The following YARS1 variants were observed in gnomAD, a reference collection of about 807,000 sequenced individuals.
The protein encoded by YARS1 is tyrosine--tRNA ligase, cytoplasmic.
Under a neutral mutation model 62.2 loss-of-function variants are expected in YARS1, and 36 were observed. The observed-to-expected ratio is 0.58, with a 90% CI of 0.44 to 0.76. The LOEUF is 0.76. Among genes scored for constraint, YARS1 ranks in the 30% least tolerant of loss-of-function variants. The pLI is 0.00. For synonymous variants in YARS1, 234 were observed against 244.9 expected (o/e 0.96, Z 0.42); for missense variants, 524 against 639.8 (o/e 0.82, Z 1.95).
intron 1 of YARS1, among the ~76,000 whole-genome samples, chr1:32,816,532 A>G (rs895598197): frequency 6.6e-6 from 1 of 152,232 alleles, no homozygotes; most frequent in African/African-American, 2.4e-5. Flanking sequence ...GGTAAGCAAT[A>G]TAAATATTTA....
At chr1:32,793,128 A>G (rs988062474) in intron 5 of YARS1, among the ~76,000 whole-genome samples, 4 of 152,156 alleles carry the variant, frequency 2.6e-5, no homozygotes, top group African/African-American at 9.6e-5. Context: ...AATAGAACAT[A>G]TCCAAAGTAA....
At chr1:32,782,732 TC>T (rs1653100975) in intron 8 of YARS1, 193 bp from the exon 9 acceptor site, 1 of 690,438 alleles carries the variant, frequency 1.4e-6, no homozygotes, top group Non-Finnish European at 2.4e-6. Flanking sequence ...GTCTTTTGAT[TC>T]TGAAATCTAT....
At chr1:32,808,174 G>T (rs142137826) in intron 3 of YARS1, among the ~76,000 whole-genome samples, 2,571 of 151,416 alleles carry the variant, frequency 0.017, 82 homozygotes, top group African/African-American at 0.059. Context: ...AAAGTGCTGG[G>T]ATTACAGGCA....
At chr1:32,812,395 A>T (rs910584198) in intron 1 of YARS1, among the ~76,000 whole-genome samples, 1 of 152,244 alleles carries the variant, frequency 6.6e-6, no homozygotes, top group East Asian at 1.9e-4. Context: ...TCTCTGTAGC[A>T]ATAAGATACC....
intron 1 of YARS1, among the ~76,000 whole-genome samples, chr1:32,814,208 T>C (rs973770479): frequency 6.6e-6 from 1 of 152,214 alleles, no homozygotes; most frequent in Non-Finnish European, 1.5e-5. Flanking sequence ...GTTTCACTCC[T>C]ACTACAGTAA....
chr1:32,776,229 CCT>C lies in YARS1; in HGVS notation c.1477-140_1477-139del. 1.4e-6 allele frequency: 1 copy of C among 737,034 alleles called. No individual in the cohort carries two copies. Among genetic ancestry groups the C allele is most frequent in the Non-Finnish European group, 2.4e-6 (1 of 416,516 alleles). 45.7% of individuals were successfully genotyped at this position (737,034 alleles called of 1,614,324 possible). ...ATGGCGTGATCTTGGCTCACCGCAA[CCT>C]CTGCCTCCCAGGTTCAAGCGATTCT... On this transcript the variant is annotated intron_variant, in intron 12 of 12. Coordinates refer to ENST00000373477, the MANE Select transcript of YARS1 (RefSeq NM_003680.4). The surrounding 1 kb of genome is among the most constrained non-coding windows in gnomAD (Gnocchi z 4.0).
intron 4 of YARS1, 84 bp downstream of exon 4, chr1:32,806,398 C>G: frequency 6.2e-7 from 1 of 1,605,050 alleles, no homozygotes; most frequent in Non-Finnish European, 8.5e-7. Flanking sequence ...CTGCGTAGTG[C>G]AGTAAAGCAA....
rs1475072250 is a variant in YARS1, at chr1:32,782,139, C to G, written c.1042+265G>C. ...ATCTTTAATGAAGAGGCAGATTTAA[C>G]AAACAGACTAGAAGGACCAAAGTAT... On this transcript the variant is annotated intron_variant, in intron 9 of 12. Coordinates refer to ENST00000373477, the MANE Select transcript of YARS1 (RefSeq NM_003680.4). 5.7e-6 allele frequency: 3 copies of G among 521,774 alleles called. No homozygotes were observed. The East Asian group carries it at 1.1e-4, about 18-fold the overall frequency. The allele number at this position is 521,774 out of a possible 1,614,324, so 32.3% of individuals were successfully genotyped here. A position where few individuals can be genotyped will look rare whatever the true frequency, so the allele number is the denominator to read the frequency against.
chr1:32,778,613 T>A (rs1474683176), intron 12 of YARS1, among the ~76,000 whole-genome samples: 1 of 151,582 alleles, frequency 6.6e-6, no homozygotes, highest in Non-Finnish European at 1.5e-5. Flanking sequence ...TTTACTGTGT[T>A]AGCCAGAATG....
chr1:32,775,836 C>T lies in YARS1; in HGVS notation c.*145G>A, dbSNP rs1569695247. On this transcript the variant is annotated 3_prime_UTR_variant, in exon 13 of 13. Coordinates refer to ENST00000373477, the MANE Select transcript of YARS1 (RefSeq NM_003680.4). ...CTGGGTTCTGGGGAGGGTAAGCTGC[C>T]CCTTGCCGAGTTCTGCACCGAATAA... The T allele has an allele frequency of 6.6e-6, 5 of 756,596 alleles. No homozygotes were observed. In the East Asian group the frequency reaches 1.3e-4, roughly 20 times the overall value. 46.9% of individuals were successfully genotyped at this position (756,596 alleles called of 1,614,324 possible). A position where few individuals can be genotyped will look rare whatever the true frequency, so the allele number is the denominator to read the frequency against.
chr1:32,787,121 G>C (rs745737172), intron 6 of YARS1, 46 bp from the exon 7 acceptor site: 1 of 1,612,048 alleles, frequency 6.2e-7, no homozygotes, highest in Admixed American at 1.7e-5. Flanking sequence ...TTGAAAATGA[G>C]AATATGCTCA....
chr1:32,779,471 G>A lies in YARS1; in HGVS notation c.1387C>T (p.Pro463Ser), dbSNP rs1230021901. 4 of 1,614,170 alleles carry A rather than the reference G, an allele frequency of 2.5e-6. No homozygotes were observed. The change falls in exon 12 of 13, where the codon CCT (proline) becomes TCT (serine). Residue 463 changes from proline (P) to serine (S), a missense_variant. By Grantham distance (74) the Pro-to-Ser change is moderately conservative. Transcript: ENST00000373477. ...EPLDPPAGSA[P>S]GEHVFVKGYE... ...CCCTTCACAAACACGTGCTCACCAG[G>A]AGCAGAGCCTGCCGGAGGGTCCAGA...
chr1:32,791,727 G>A (rs1249849244), intron 5 of YARS1, among the ~76,000 whole-genome samples: 4 of 152,074 alleles, frequency 2.6e-5, no homozygotes, highest in Non-Finnish European at 4.4e-5. Flanking sequence ...ACTTGAACCC[G>A]GGAGGCGGAG....
In YARS1 at chr1:32,781,129, G is replaced by A. The variant is rs1220249736; in HGVS notation, c.1059C>T (p.Gly353=). The change falls in exon 10 of 13, where the codon GGC becomes GGT. Residue 353 remains glycine, a synonymous_variant. Transcript: ENST00000373477. ...CCTCTGGTTCTGAATTCTTGGCAGG[G>A]CCTTTGGCCATTGGCTCTGGGAATG... ...DPSKQKPMAK[G]PAKNSEPEEV... is the part of the protein sequence containing the mutation. 3 of 1,614,008 alleles carry A rather than the reference G, an allele frequency of 1.9e-6. No homozygotes were observed. Among genetic ancestry groups the A allele is most frequent in the Non-Finnish European group, 2.5e-6 (3 of 1,180,042 alleles).
chr1:32,797,240 C>T lies in YARS1; in HGVS notation c.591+523G>A, dbSNP rs542710104. 2.6e-5 allele frequency among the ~76,000 whole-genome samples: 4 copies of T among 151,122 alleles called. No individual in the cohort carries two copies. In the Admixed American group the frequency reaches 2.6e-4, roughly 10 times the overall value. ...TTTTAAAACTACCCGGGTGTTGTGG[C>T]ATGCACCTGTGGTCCCAGCTACTTG... On this transcript the variant is annotated intron_variant, in intron 5 of 12. Transcript: ENST00000373477.
intron 4 of YARS1, among the ~76,000 whole-genome samples, chr1:32,805,313 T>C (rs1638435211): frequency 6.7e-6 from 1 of 150,020 alleles, no homozygotes; most frequent in East Asian, 2.0e-4. Context: ...CCTTGCACTT[T>C]TATGTTATGG....
At chr1:32,791,286 T>G in intron 5 of YARS1, 32 bp from the exon 6 acceptor site, 1 of 1,575,248 alleles carries the variant, frequency 6.3e-7, no homozygotes, top group Non-Finnish European at 8.7e-7. Flanking sequence ...CAAAAGCCGA[T>G]ATTAGTCTAA....
intron 12 of YARS1, among the ~76,000 whole-genome samples, chr1:32,777,254 C>T (rs1652897904): frequency 6.6e-6 from 1 of 151,990 alleles, no homozygotes; most frequent in South Asian, 2.1e-4. Context: ...GTCTCGAACT[C>T]CCGCCCTCAG....
intron 5 of YARS1, among the ~76,000 whole-genome samples, chr1:32,793,914 G>C (rs1249660807): frequency 3.3e-5 from 5 of 152,192 alleles, no homozygotes; most frequent in Non-Finnish European, 4.4e-5. Flanking sequence ...ATTACTGAAA[G>C]AACTGCACTA....
Sources: allele counts gnomAD v4.1 joint callset (sites outside exome capture counted in the v4.1 genomes callset), GRCh38; gene constraint gnomAD v4.1.1; non-coding constraint Gnocchi (gnomAD v3.1); transcripts MANE v1.5; gene names NCBI Gene and HGNC (gene_info 2026-07-23, HGNC 2026-07-21).